TXNL4A: variants seen among roughly 807,000 people sequenced by gnomAD.
TXNL4A encodes the protein thioredoxin like 4A, also known as thioredoxin-like protein 4A.
TXNL4A carries 17 observed loss-of-function variants against 14.6 expected under a neutral mutation model. The observed-to-expected ratio is 1.16, with a 90% CI of 0.80 to 1.74. The LOEUF is 1.74. Among genes scored for constraint, TXNL4A ranks in the 40% most tolerant of loss-of-function variants. The probability of loss-of-function intolerance (pLI) is 0.00; values close to 1 mark genes in which losing one functional copy is unlikely to be tolerated. For synonymous variants in TXNL4A, 83 were observed against 70.6 expected (o/e 1.18, Z -0.88); for missense variants, 74 against 195.2 (o/e 0.38, Z 3.70).
chr18:80,021,684 A>T (rs1398218386), intron 1 of TXNL4A, among the ~76,000 whole-genome samples: 1 of 152,202 alleles, frequency 6.6e-6, no homozygotes, highest in Admixed American at 6.5e-5. Flanking sequence ...TGCATTTCCC[A>T]CTGGGTTTCT....
chr18:80,000,089 C>T (rs1161173045), intron 1 of TXNL4A, among the ~76,000 whole-genome samples: 1 of 152,106 alleles, frequency 6.6e-6, no homozygotes, highest in Non-Finnish European at 1.5e-5. Context: ...CGGAGTAATA[C>T]AGTAAATTGG....
At chr18:80,001,622 A>T (rs1482656059) in intron 1 of TXNL4A, among the ~76,000 whole-genome samples, 1 of 152,190 alleles carries the variant, frequency 6.6e-6, no homozygotes, top group Non-Finnish European at 1.5e-5. Flanking sequence ...TGTGACCCGG[A>T]TGTGAGACAT....
rs528308970 is a variant in TXNL4A, at chr18:79,979,381, A to G, written c.154-1680T>C. Reference sequence around the variant, plus strand: ...GTCCCTGCCCAAATCTCAGGTTGAAACGTAACTCCCAGCGTTGCAGGTGAG... The same window carrying G: ...GTCCCTGCCCAAATCTCAGGTTGAAGCGTAACTCCCAGCGTTGCAGGTGAG... On this transcript the variant is annotated intron_variant, in intron 1 of 2. Coordinates refer to ENST00000269601, the MANE Select transcript of TXNL4A (RefSeq NM_006701.5). 2.6e-5 allele frequency: 4 copies of G among 152,322 alleles called. No individual in the cohort carries two copies. In the South Asian group the frequency reaches 8.3e-4, roughly 32 times the overall value. 9.4% of individuals were successfully genotyped at this position (152,322 alleles called of 1,614,324 possible). A position where few individuals can be genotyped will look rare whatever the true frequency, so the allele number is the denominator to read the frequency against.
chr18:79,986,485 GTGTGTGTCCACTA>G lies in TXNL4A; in HGVS notation c.153+1742_153+1754del, dbSNP rs1003913545. The G allele has an allele frequency of 9.1e-5, 75 of 820,082 alleles. No homozygotes were observed. In the African/African-American group the frequency reaches 1.1e-3, roughly 12 times the overall value. The allele number at this position is 820,082 out of a possible 1,614,324, so 50.8% of individuals were successfully genotyped here. A position where few individuals can be genotyped will look rare whatever the true frequency, so the allele number is the denominator to read the frequency against. On this transcript the variant is annotated intron_variant, in intron 1 of 2. Coordinates refer to ENST00000269601, the MANE Select transcript of TXNL4A (RefSeq NM_006701.5). ...GTGAGCCCATTTCAACTGTCCTTAA[GTGTGTGTCCACTA>G]TGTGTGTCCACTAGTGATACAGTGA... is the stretch of plus-strand genomic sequence containing the variant.
upstream of TXNL4A, among the ~76,000 whole-genome samples, chr18:79,990,615 T>C (rs1279719688): frequency 6.6e-6 from 1 of 152,226 alleles, no homozygotes; most frequent in African/African-American, 2.4e-5. Flanking sequence ...GCTTAACACA[T>C]CACAAGCATT....
chr18:79,973,652 C>T lies in TXNL4A; in HGVS notation c.*33G>A. On this transcript the variant is annotated 3_prime_UTR_variant, in exon 3 of 3. Coordinates refer to ENST00000269601, the MANE Select transcript of TXNL4A (RefSeq NM_006701.5). ...AAAACGTTTCCATACAAAAAGGGCT[C>T]CACGACATTTATCCGCGCAGACTGA... The T allele has an allele frequency of 6.3e-7, 1 of 1,578,536 alleles. No homozygotes were observed. The highest frequency in any genetic ancestry group is 8.6e-7 in the Non-Finnish European group (1 of 1,164,040).
intron 1 of TXNL4A, among the ~76,000 whole-genome samples, chr18:80,015,696 AT>A (rs1003223602): frequency 6.6e-6 from 1 of 150,434 alleles, no homozygotes; most frequent in South Asian, 2.1e-4. Flanking sequence ...TGAACTCATC[AT>A]TTTTTATGGC....
rs985993518 is a variant in TXNL4A at position 79,988,246 on chromosome 18, G to C, written c.147C>G (p.Ala49=). The C allele has an allele frequency of 6.4e-7, 1 of 1,555,796 alleles. No homozygotes were observed. Residue 49 remains alanine, a synonymous_variant, in exon 1 of 3, where the codon GCC becomes GCG. Transcript: ENST00000269601. ...GGAGAGTCCGGCGCGCTACCTTCTC[G>C]GCGATGCTGTACAGGACCTCGTCCA... The part of the protein sequence containing the change: ...MKMDEVLYSI[A]EKVKNFAVIY...
chr18:80,029,522 T>C (rs8097974), intron 1 of TXNL4A, among the ~76,000 whole-genome samples: 116,413 of 152,154 alleles, frequency 0.77, 45,240 homozygotes, highest in East Asian at 0.91. Context: ...CCCACTGTGG[T>C]GAGTCCCAGG....
In TXNL4A at chr18:80,005,028, G is replaced by T. The variant is rs2051720532; in HGVS notation, c.-60-27327C>A. On this transcript the variant is annotated intron_variant, in intron 1 of 2. Transcript: ENST00000585474. ...GTGATAAAAGGGCTGGACTGAATGA[G>T]CCCGCTTATGTGAAGTTCAAACACA... Among the ~76,000 whole-genome samples, 2 of 152,258 alleles carry T rather than the reference G, an allele frequency of 1.3e-5. 1 individual carries two copies. The highest frequency in any genetic ancestry group is 2.9e-5 in the Non-Finnish European group (2 of 68,052).
In TXNL4A at chr18:79,988,518, C is replaced by G; in HGVS notation, c.-126G>C. 2 of 1,042,448 alleles carry G rather than the reference C, an allele frequency of 1.9e-6. No individual in the cohort carries two copies. The highest frequency in any genetic ancestry group is 2.5e-6 in the Non-Finnish European group (2 of 810,082). 64.6% of individuals were successfully genotyped at this position (1,042,448 alleles called of 1,614,324 possible). A position where few individuals can be genotyped will look rare whatever the true frequency, so the allele number is the denominator to read the frequency against. On this transcript the variant is annotated 5_prime_UTR_variant, in exon 1 of 3. Transcript: ENST00000269601. ...GGCCCACGGACGAAATCCGGTCCCG[C>G]CCGCACACGCAAACTCCGCTGGGAC...
At chr18:80,023,540 ATTAAC>A (rs1373045345) in intron 1 of TXNL4A, among the ~76,000 whole-genome samples, 12 of 152,308 alleles carry the variant, frequency 7.9e-5, no homozygotes, top group Admixed American at 7.8e-4. Flanking sequence ...GCATAAGAAA[ATTAAC>A]TTGTCTTATA....
intron 2 of TXNL4A, 113 bp from the exon 3 acceptor site, chr18:79,973,969 A>C (rs2051340302): frequency 2.1e-6 from 3 of 1,441,304 alleles, no homozygotes; most frequent in African/African-American, 1.4e-5. Context: ...ACATCACTGA[A>C]GAACGCATAA....
chr18:79,974,905 G>A (rs1162508659), intron 2 of TXNL4A, among the ~76,000 whole-genome samples: 4 of 152,126 alleles, frequency 2.6e-5, no homozygotes, highest in Non-Finnish European at 5.9e-5. Flanking sequence ...GTTTTTTAAC[G>A]TTCACTTCCA....
chr18:80,000,398 G>T (rs961669686), intron 1 of TXNL4A, among the ~76,000 whole-genome samples: 4 of 152,194 alleles, frequency 2.6e-5, no homozygotes, highest in African/African-American at 9.7e-5. Flanking sequence ...TTTTGCCCCT[G>T]CCCTAGACAT....
intron 1 of TXNL4A, among the ~76,000 whole-genome samples, chr18:80,006,432 T>C (rs918763612): frequency 2.0e-5 from 3 of 151,958 alleles, no homozygotes; most frequent in African/African-American, 7.3e-5. Context: ...CAGAGTGCAG[T>C]GGGGCGCCTC....
At chr18:79,983,855 A>C (rs1366341700) in intron 1 of TXNL4A, among the ~76,000 whole-genome samples, 1 of 152,170 alleles carries the variant, frequency 6.6e-6, no homozygotes, top group African/African-American at 2.4e-5. Context: ...CCCTTTTTAC[A>C]GGTAAGATGA....
chr18:79,981,544 C>G (rs376427517), intron 1 of TXNL4A, among the ~76,000 whole-genome samples: 6 of 152,088 alleles, frequency 3.9e-5, no homozygotes, highest in African/African-American at 1.4e-4. Flanking sequence ...TGGCGGTGCA[C>G]GCCTGTAATC....
chr18:80,012,888 C>T (rs1407119421), intron 1 of TXNL4A, among the ~76,000 whole-genome samples: 2 of 149,998 alleles, frequency 1.3e-5, no homozygotes, highest in Non-Finnish European at 3.0e-5. Context: ...TCCTGGGAAA[C>T]GGGGTGAGGC....
Sources: allele counts gnomAD v4.1 joint callset (sites outside exome capture counted in the v4.1 genomes callset), GRCh38; gene constraint gnomAD v4.1.1; transcripts MANE v1.5; gene names NCBI Gene and HGNC (gene_info 2026-07-23, HGNC 2026-07-21).